CFAP99: variants seen among roughly 807,000 people sequenced by gnomAD.
CFAP99 encodes the protein cilia and flagella associated protein 99.
Under a neutral mutation model 82.7 loss-of-function variants are expected in CFAP99, and 84 were observed. That is an observed-to-expected ratio of 1.02 (90% confidence interval 0.85 to 1.22). The LOEUF is 1.22. Among genes scored for constraint, CFAP99 ranks in the 50% most tolerant of loss-of-function variants. The pLI is 0.00. For synonymous variants in CFAP99, 456 were observed against 429.5 expected (o/e 1.06, Z -0.76); for missense variants, 1,059 against 983.5 (o/e 1.08, Z -1.03).
intron 1 of CFAP99, among the ~76,000 whole-genome samples, chr4:2,421,918 G>A (rs1235709701): frequency 6.6e-6 from 1 of 151,872 alleles, no homozygotes; most frequent in African/African-American, 2.4e-5. Flanking sequence ...TTAGTCGGGC[G>A]TGGTAGTACA....
chr4:2,433,703 A>C (rs190622662), intron 2 of CFAP99, among the ~76,000 whole-genome samples: 1 of 152,134 alleles, frequency 6.6e-6, no homozygotes, highest in East Asian at 1.9e-4. Flanking sequence ...CAAGAAAGGG[A>C]CAGTAAACAA....
rs1215288815 is a variant in CFAP99, at chr4:2,438,165, G to A, written c.351+1G>A. On this transcript the variant is annotated splice_donor_variant, in intron 4 of 14. Transcript: ENST00000635017. LOFTEE classifies it high-confidence loss of function. Reference sequence around the variant, plus strand: ...CCAGCCCGTGGATAAGATGTGCAAGGTGAGCCACCCCTACCTGCCCACCAG... The same window carrying A: ...CCAGCCCGTGGATAAGATGTGCAAGATGAGCCACCCCTACCTGCCCACCAG... The A allele has an allele frequency of 1.3e-6, 2 of 1,530,704 alleles. No individual in the cohort carries two copies. The highest frequency in any genetic ancestry group is 2.7e-5 in the African/African-American group (2 of 72,904). The allele number at this position is 1,530,704 out of a possible 1,614,324, so 94.8% of individuals were successfully genotyped here.
intron 3 of CFAP99, 150 bp from the exon 4 acceptor site, chr4:2,437,920 T>G: frequency 3.5e-6 from 2 of 566,468 alleles, no homozygotes; most frequent in Non-Finnish European, 6.4e-6. Flanking sequence ...TTGTTTGTGT[T>G]CGCTTATCAT....
intron 1 of CFAP99, among the ~76,000 whole-genome samples, chr4:2,423,204 C>A (rs1034331709): frequency 3.7e-4 from 56 of 152,232 alleles, no homozygotes; most frequent in African/African-American, 1.3e-3. Flanking sequence ...CCTATTGCCC[C>A]CTGGCTGTGT....
chr4:2,434,288 G>A (rs984319711), intron 2 of CFAP99, among the ~76,000 whole-genome samples: 1 of 152,220 alleles, frequency 6.6e-6, no homozygotes, highest in Non-Finnish European at 1.5e-5. Context: ...CAATCAGAAT[G>A]CTGTCAGCCT....
chr4:2,420,562 G>A (rs1303912415), intron 1 of CFAP99, among the ~76,000 whole-genome samples: 2 of 152,196 alleles, frequency 1.3e-5, no homozygotes, highest in South Asian at 2.1e-4. Flanking sequence ...TATCTGCTCA[G>A]AGGCTCCCTT....
At position 2,449,655 on chromosome 4, in the gene CFAP99, C is replaced by T. The variant is rs947530438; in HGVS notation, c.643-15C>T. On this transcript the variant is annotated splice_polypyrimidine_tract_variant and intron_variant, in intron 6 of 14. Transcript: ENST00000635017. ...AGCTGCTGACCATAGGCTCTTCCTC[C>T]CACCACTTCAGCAGGTCCCCCAGAG... The T allele has an allele frequency of 6.5e-7, 1 of 1,535,922 alleles. No individual in the cohort carries two copies. Among genetic ancestry groups the T allele is most frequent in the East Asian group, 2.4e-5 (1 of 40,920 alleles).
chr4:2,419,755 C>T (rs1264255352), intron 1 of CFAP99, among the ~76,000 whole-genome samples: 1 of 152,082 alleles, frequency 6.6e-6, no homozygotes, highest in African/African-American at 2.4e-5. Context: ...TAAGATTTCT[C>T]TTAGTTGGGG....
chr4:2,423,975 C>T (rs1230502999), intron 1 of CFAP99, among the ~76,000 whole-genome samples: 1 of 152,260 alleles, frequency 6.6e-6, no homozygotes, highest in Non-Finnish European at 1.5e-5. Context: ...TCGCTTTGTT[C>T]TGGGAGGCCT....
intron 6 of CFAP99, among the ~76,000 whole-genome samples, chr4:2,445,750 T>C (rs1734149090): frequency 6.6e-6 from 1 of 152,194 alleles, no homozygotes; most frequent in Non-Finnish European, 1.5e-5. Flanking sequence ...TCAGGATGCT[T>C]TGTATTGCAA....
chr4:2,452,031 A>G (rs1178658079), intron 10 of CFAP99, 111 bp from the exon 11 acceptor site: 3 of 1,087,418 alleles, frequency 2.8e-6, no homozygotes, highest in African/African-American at 3.1e-5. Flanking sequence ...GGGTGTCAGG[A>G]GTAGCAGCCC....
chr4:2,425,444 C>G (rs1264376484), intron 1 of CFAP99, among the ~76,000 whole-genome samples: 1 of 152,092 alleles, frequency 6.6e-6, no homozygotes, highest in African/African-American at 2.4e-5. Context: ...TGTTTTTAGT[C>G]AGTCCCCAGC....
chr4:2,457,796 GC>G (rs1400342408), intron 11 of CFAP99, among the ~76,000 whole-genome samples: 1 of 152,078 alleles, frequency 6.6e-6, no homozygotes, highest in Admixed American at 6.6e-5. Flanking sequence ...CGAGGCTGGT[GC>G]TGTGGCTGAT....
chr4:2,443,249 T>C lies in CFAP99; in HGVS notation c.464+7T>C, dbSNP rs780593065. 9 of 1,517,840 alleles carry C rather than the reference T, an allele frequency of 5.9e-6. No homozygotes were observed. The highest frequency in any genetic ancestry group is 3.6e-5 in the South Asian group (3 of 83,658). 94.0% of individuals were successfully genotyped at this position (1,517,840 alleles called of 1,614,324 possible). ...GGATCGACCCCCTGATGAGGTAGGC[T>C]GGATGGGGGGCTCTGGGGGCCCTGA... On this transcript the variant is annotated splice_region_variant and intron_variant, in intron 5 of 14. Transcript: ENST00000635017.
chr4:2,462,438 G>T lies in CFAP99; in HGVS notation c.1662-5G>T. ...TGCTCCTGAGCCCGCCGCGTCGCCC[G>T]CCAGGTGGGAGGAAAAGAAGGCCCT... On this transcript the variant is annotated splice_polypyrimidine_tract_variant and splice_region_variant and intron_variant, in intron 14 of 14. Transcript: ENST00000635017. The surrounding 1 kb of genome is among the most constrained non-coding windows in gnomAD (Gnocchi z 4.1). The T allele has an allele frequency of 4.9e-6, 7 of 1,435,568 alleles. No homozygotes were observed. Among genetic ancestry groups the T allele is most frequent in the African/African-American group, 1.5e-5 (1 of 66,748 alleles). The allele number at this position is 1,435,568 out of a possible 1,614,324, so 88.9% of individuals were successfully genotyped here. A position where few individuals can be genotyped will look rare whatever the true frequency, so the allele number is the denominator to read the frequency against.
rs114917658 is a variant in CFAP99 at position 2,452,408 on chromosome 4, G to A, written c.1161+62G>A. 1.2e-3 allele frequency: 1,806 copies of A among 1,498,838 alleles called. 18 individuals carry two copies. The African/African-American group carries it at 0.022, about 19-fold the overall frequency. 92.8% of individuals were successfully genotyped at this position (1,498,838 alleles called of 1,614,324 possible). The stretch of plus-strand genomic sequence containing the variant: ...CAGCTGAACTGTGTGCCCACCGGGA[G>A]CTGCAGGGCCAGGGCTGGCAGTGGA... On this transcript the variant is annotated intron_variant, in intron 11 of 14. Transcript: ENST00000635017.
rs1455234944 is a variant in CFAP99, at chr4:2,451,372, C to A, written c.956+20C>A. ...GCAGAGGTGAAGGGCGGCAGGCCCCCCCACCTGCCTTCCACGGCATCACCC... is the reference window on the plus strand; with the variant it reads ...GCAGAGGTGAAGGGCGGCAGGCCCCACCACCTGCCTTCCACGGCATCACCC... On this transcript the variant is annotated intron_variant, in intron 10 of 14. Transcript: ENST00000635017. 6.5e-7 allele frequency: 1 copy of A among 1,532,914 alleles called. No individual in the cohort carries two copies. Among genetic ancestry groups the A allele is most frequent in the East Asian group, 2.4e-5 (1 of 40,906 alleles). 95.0% of individuals were successfully genotyped at this position (1,532,914 alleles called of 1,614,324 possible). A position where few individuals can be genotyped will look rare whatever the true frequency, so the allele number is the denominator to read the frequency against.
At chr4:2,443,041 C>G (rs1734084449) in intron 4 of CFAP99, 89 bp from the exon 5 acceptor site, 6 of 666,792 alleles carry the variant, frequency 9.0e-6, no homozygotes, top group Non-Finnish European at 1.6e-5. Flanking sequence ...GCCTTGGGGG[C>G]AGGGAGCTCA....
At chr4:2,460,000 C>T in intron 13 of CFAP99, 37 bp from the exon 14 acceptor site, 2 of 1,527,706 alleles carry the variant, frequency 1.3e-6, no homozygotes, top group East Asian at 2.4e-5. Context: ...GGGCCCAGCA[C>T]AGCTCCCAGC....
Sources: gnomAD v4.1 joint callset for allele counts (sites outside exome capture counted in the v4.1 genomes callset) on GRCh38, gnomAD v4.1.1 for gene constraint, Gnocchi (gnomAD v3.1) non-coding constraint, MANE v1.5 for transcripts, NCBI Gene and HGNC (gene_info 2026-07-23, HGNC 2026-07-21) for gene names.